SGCZ: variants seen among roughly 807,000 people sequenced by gnomAD.
The protein encoded by SGCZ is zeta-sarcoglycan.
In SGCZ, 40 loss-of-function variants were observed where a neutral mutation model predicts 41.3. The observed-to-expected ratio is 0.97, with a 90% CI of 0.75 to 1.26. The LOEUF (loss-of-function observed/expected upper bound fraction) is 1.26, where lower values mean the gene tolerates loss of function less well. Among genes scored for constraint, SGCZ ranks in the 50% most tolerant of loss-of-function variants. The probability of loss-of-function intolerance (pLI) is 0.00; values close to 1 mark genes in which losing one functional copy is unlikely to be tolerated. For synonymous variants in SGCZ, 206 were observed against 137.5 expected (o/e 1.50, Z -3.49); for missense variants, 552 against 369.8 (o/e 1.49, Z -4.04).
In SGCZ at chr8:14,561,744, G is replaced by A. The variant is rs148114161; in HGVS notation, c.40-6818C>T. Among the ~76,000 whole-genome samples the A allele has an allele frequency of 5.8e-3, 879 of 152,154 alleles. 13 individuals carry two copies. Among genetic ancestry groups the A allele is most frequent in the African/African-American group, 0.02 (823 of 41,532 alleles). ...TTTACTTGGATCCTCCTGCAATTCA[G>A]GGAAGAGCTGGTTTAAATTTGCACT... On this transcript the variant is annotated intron_variant, in intron 1 of 7. Coordinates refer to ENST00000382080, the MANE Select transcript of SGCZ (RefSeq NM_139167.4).
intron 4 of SGCZ, among the ~76,000 whole-genome samples, chr8:14,215,606 G>T (rs1805966641): frequency 6.6e-6 from 1 of 151,798 alleles, no homozygotes; most frequent in Non-Finnish European, 1.5e-5. Context: ...GATTTACAAA[G>T]ATGAAAAAAG....
chr8:14,361,758 G>C lies in SGCZ; in HGVS notation c.235-37554C>G, dbSNP rs113122142. Among the ~76,000 whole-genome samples the C allele has an allele frequency of 9.9e-5, 15 of 152,242 alleles. 1 individual carries two copies. The highest frequency in any genetic ancestry group is 2.4e-4 in the African/African-American group (10 of 41,546). On this transcript the variant is annotated intron_variant, in intron 2 of 7. Transcript: ENST00000382080. ...GTTGTGTTCCTTTGGAGGAGAAGAG[G>C]CATTCCGGTTTTTGGAATTTTCAGC...
chr8:15,089,474 G>A (rs951131203), intron 1 of SGCZ, among the ~76,000 whole-genome samples: 5 of 151,602 alleles, frequency 3.3e-5, no homozygotes, highest in Non-Finnish European at 2.9e-5. Context: ...TTTTTAATGA[G>A]ACTTTCCAAA....
intron 5 of SGCZ, among the ~76,000 whole-genome samples, chr8:14,146,759 C>A (rs747195741): frequency 1.4e-5 from 2 of 146,690 alleles, no homozygotes; most frequent in South Asian, 4.3e-4. Context: ...GTAGTCCCAG[C>A]TGCTCTGGAG....
At chr8:14,321,674 C>A (rs1801922894) in intron 3 of SGCZ, among the ~76,000 whole-genome samples, 1 of 152,070 alleles carries the variant, frequency 6.6e-6, no homozygotes, top group South Asian at 2.1e-4. Context: ...TTCTACCCAG[C>A]ATTTTTTTTC....
At chr8:14,687,997 T>C (rs1317958059) in intron 1 of SGCZ, among the ~76,000 whole-genome samples, 2 of 152,244 alleles carry the variant, frequency 1.3e-5, no homozygotes, top group African/African-American at 2.4e-5. Context: ...TGTCTTCTTT[T>C]GAGAAGTGTC....
intron 1 of SGCZ, among the ~76,000 whole-genome samples, chr8:14,599,508 C>A (rs1160691182): frequency 6.6e-6 from 1 of 152,124 alleles, no homozygotes; most frequent in Non-Finnish European, 1.5e-5. Flanking sequence ...TTATCTTTCT[C>A]TAGTCAATTT....
At chr8:14,731,195 T>C (rs1019489990) in intron 1 of SGCZ, among the ~76,000 whole-genome samples, 2 of 151,646 alleles carry the variant, frequency 1.3e-5, no homozygotes, top group Admixed American at 6.6e-5. Flanking sequence ...CCATGGAATA[T>C]TATGCAGCCA....
intron 1 of SGCZ, among the ~76,000 whole-genome samples, chr8:14,869,793 A>G (rs1804078170): frequency 6.6e-6 from 1 of 152,206 alleles, no homozygotes; most frequent in Non-Finnish European, 1.5e-5. Context: ...ATACACCAAC[A>G]ATAGACAAAC....
At chr8:14,271,353 A>ATTGTT (rs1800052727) in intron 3 of SGCZ, among the ~76,000 whole-genome samples, 1 of 152,170 alleles carries the variant, frequency 6.6e-6, no homozygotes, top group African/African-American at 2.4e-5. Context: ...TTTGTTTTTG[A>ATTGTT]TTGATTCATA....
intron 2 of SGCZ, among the ~76,000 whole-genome samples, chr8:14,365,295 A>T (rs1436047444): frequency 6.6e-6 from 1 of 152,056 alleles, no homozygotes; most frequent in Non-Finnish European, 1.5e-5. Flanking sequence ...TGTCCATTTC[A>T]CTAATAGTTA....
At chr8:14,922,515 C>T (rs144820232) in intron 1 of SGCZ, among the ~76,000 whole-genome samples, 7 of 151,860 alleles carry the variant, frequency 4.6e-5, no homozygotes, top group African/African-American at 7.3e-5. Flanking sequence ...AGTGCAATGG[C>T]GCGATTTCGG....
At chr8:14,177,532 C>T (rs982331885) in intron 4 of SGCZ, among the ~76,000 whole-genome samples, 1 of 152,166 alleles carries the variant, frequency 6.6e-6, no homozygotes, top group South Asian at 2.1e-4. Context: ...GTTTTTGAGA[C>T]GGAGTCTCGT....
At chr8:14,344,915 A>T (rs1055678843) in intron 2 of SGCZ, among the ~76,000 whole-genome samples, 4 of 152,068 alleles carry the variant, frequency 2.6e-5, no homozygotes, top group African/African-American at 9.7e-5. Context: ...GTTTCTAATG[A>T]TAGTGGATTT....
intron 1 of SGCZ, among the ~76,000 whole-genome samples, chr8:15,111,158 A>G (rs927104674): frequency 2.6e-5 from 4 of 152,020 alleles, no homozygotes; most frequent in Non-Finnish European, 4.4e-5. Context: ...AATTCACACT[A>G]TTTTCATAAA....
chr8:14,831,875 T>TGTATATACTTGTA (rs1392819790), intron 1 of SGCZ, among the ~76,000 whole-genome samples: 1 of 152,160 alleles, frequency 6.6e-6, no homozygotes, highest in African/African-American at 2.4e-5. Context: ...TGTGTGTATA[T>TGTATATACTTGTA]GTATATACTT....
intron 3 of SGCZ, among the ~76,000 whole-genome samples, chr8:14,252,714 C>A (rs542481640): frequency 6.6e-6 from 1 of 152,240 alleles, no homozygotes. Flanking sequence ...CTCAAGGATA[C>A]AGTACTTGTA....
At chr8:15,169,060 G>C (rs888229346) in intron 1 of SGCZ, among the ~76,000 whole-genome samples, 2 of 152,098 alleles carry the variant, frequency 1.3e-5, no homozygotes, top group Non-Finnish European at 2.9e-5. Flanking sequence ...GTCTGTCTTT[G>C]CCTTCAGGCC....
chr8:14,945,975 G>T (rs1800427866), intron 1 of SGCZ, among the ~76,000 whole-genome samples: 1 of 106,714 alleles, frequency 9.4e-6, no homozygotes, highest in African/African-American at 3.7e-5. Flanking sequence ...CTCCATAATA[G>T]CATAAGCCAA....
Sources: allele counts gnomAD v4.1 joint callset (sites outside exome capture counted in the v4.1 genomes callset), GRCh38; gene constraint gnomAD v4.1.1; transcripts MANE v1.5; gene names NCBI Gene and HGNC (gene_info 2026-07-23, HGNC 2026-07-21).